CSMD1: variants seen among roughly 807,000 people sequenced by gnomAD.
CSMD1 encodes the protein CUB and Sushi multiple domains 1.
A neutral mutation model predicts 417.5 loss-of-function variants in CSMD1; 213 were observed. The ratio of observed to expected loss-of-function variants is 0.51; its 90% confidence interval spans 0.46 to 0.57. The LOEUF (loss-of-function observed/expected upper bound fraction) is 0.57. CSMD1 is among the 20% of genes least tolerant of loss of function. The pLI, the probability that CSMD1 is intolerant of heterozygous loss-of-function variation, is 0.00. For missense variants in CSMD1, 6,923 were observed against 4,529.7 expected (o/e 1.53, Z -15.17); for synonymous variants, 2,862 against 1,736.8 (o/e 1.65, Z -16.11).
intron 10 of CSMD1, among the ~76,000 whole-genome samples, chr8:3,545,256 C>A (rs922792): frequency 6.6e-6 from 1 of 151,900 alleles, no homozygotes; most frequent in African/African-American, 2.4e-5. Context: ...ATGAACTTTT[C>A]TGATTTAAAG....
chr8:4,158,432 C>A (rs956567188), intron 3 of CSMD1, among the ~76,000 whole-genome samples: 15 of 150,640 alleles, frequency 1.0e-4, no homozygotes, highest in South Asian at 2.1e-4. Context: ...AACAAACAAA[C>A]AAAAAAAAAT....
chr8:4,905,747 GA>G (rs1295913800), intron 1 of CSMD1, among the ~76,000 whole-genome samples: 2 of 148,404 alleles, frequency 1.3e-5, no homozygotes, highest in Admixed American at 1.4e-4. Flanking sequence ...GTGAAACCGG[GA>G]GGCGGAGCTT....
chr8:4,236,686 C>A (rs146314152), intron 3 of CSMD1, among the ~76,000 whole-genome samples: 1 of 152,274 alleles, frequency 6.6e-6, no homozygotes, highest in Non-Finnish European at 1.5e-5. Context: ...ACTCTTCAAG[C>A]TTTGGTCCCT....
chr8:4,556,397 G>C (rs1421916611), intron 2 of CSMD1, among the ~76,000 whole-genome samples: 2 of 152,054 alleles, frequency 1.3e-5, no homozygotes. Flanking sequence ...AGCATTGTAA[G>C]CTGGCAAGAC....
intron 3 of CSMD1, among the ~76,000 whole-genome samples, chr8:4,142,985 CTGAT>C (rs1803881113): frequency 7.7e-6 from 1 of 130,686 alleles, no homozygotes; most frequent in South Asian, 2.6e-4. Flanking sequence ...AGTTTTCAAA[CTGAT>C]TGAAAAAAAA....
intron 3 of CSMD1, among the ~76,000 whole-genome samples, chr8:4,202,697 C>T (rs889022355): frequency 6.6e-6 from 1 of 152,104 alleles, no homozygotes; most frequent in African/African-American, 2.4e-5. Flanking sequence ...AGAGGGAGAA[C>T]CACACTAATC....
chr8:4,839,834 T>C (rs1800731518), intron 1 of CSMD1, among the ~76,000 whole-genome samples: 1 of 152,200 alleles, frequency 6.6e-6, no homozygotes, highest in Admixed American at 6.5e-5. Context: ...CTTAGTAAAG[T>C]TGATGTTTGC....
At chr8:4,455,394 A>T (rs1322905569) in intron 2 of CSMD1, among the ~76,000 whole-genome samples, 1 of 152,182 alleles carries the variant, frequency 6.6e-6, no homozygotes, top group Admixed American at 6.5e-5. Flanking sequence ...AGTACATTTT[A>T]TACACAGCTG....
chr8:4,583,437 T>C (rs930328741), intron 2 of CSMD1, among the ~76,000 whole-genome samples: 1 of 152,170 alleles, frequency 6.6e-6, no homozygotes, highest in African/African-American at 2.4e-5. Context: ...AGTGCACCAA[T>C]CGACACTCTG....
intron 57 of CSMD1, among the ~76,000 whole-genome samples, chr8:2,970,911 C>G (rs929241381): frequency 2.0e-5 from 3 of 152,152 alleles, no homozygotes; most frequent in Admixed American, 2.0e-4. Context: ...ACAAACTTCA[C>G]AAAAAGATTA....
chr8:4,762,236 C>T (rs1048363306), intron 1 of CSMD1, among the ~76,000 whole-genome samples: 7 of 151,968 alleles, frequency 4.6e-5, no homozygotes, highest in Non-Finnish European at 8.8e-5. Context: ...CCTGCTTGCG[C>T]TATTTTAAAA....
intron 1 of CSMD1, among the ~76,000 whole-genome samples, chr8:4,715,176 T>A (rs1808575028): frequency 6.6e-6 from 1 of 152,200 alleles, no homozygotes. Context: ...TATTCTATTA[T>A]TTCGCAGAAA....
intron 1 of CSMD1, among the ~76,000 whole-genome samples, chr8:4,961,278 C>T (rs1232519073): frequency 4.6e-5 from 7 of 152,116 alleles, no homozygotes; most frequent in Non-Finnish European, 1.0e-4. Flanking sequence ...TCCCATCAAA[C>T]GCATCCAAAA....
chr8:3,932,507 G>T (rs576851858), intron 5 of CSMD1, among the ~76,000 whole-genome samples: 1 of 150,442 alleles, frequency 6.6e-6, no homozygotes, highest in East Asian at 2.0e-4. Flanking sequence ...AGGGAAAGCA[G>T]CAGATGTTAG....
Position 4,081,880 on chromosome 8 carries a change from G to T in CSMD1, c.416-49781C>A, listed in dbSNP as rs73190335. Among the ~76,000 whole-genome samples, 1,332 of 152,286 alleles carry T rather than the reference G, an allele frequency of 8.7e-3. 14 individuals carry two copies. The highest frequency in any genetic ancestry group is 0.042 in the South Asian group (202 of 4,822). The stretch of plus-strand genomic sequence containing the variant: ...AGAAAAATAAGACATATCAAAATGT[G>T]TTGGATTTAGTTACAGTAGTGCTCA... On this transcript the variant is annotated intron_variant, in intron 3 of 69. Transcript: ENST00000635120.
At chr8:4,043,220 A>C (rs1003921766) in intron 3 of CSMD1, among the ~76,000 whole-genome samples, 1 of 152,242 alleles carries the variant, frequency 6.6e-6, no homozygotes, top group African/African-American at 2.4e-5. Context: ...GTCACCACTA[A>C]AATAGCAAAG....
intron 3 of CSMD1, among the ~76,000 whole-genome samples, chr8:4,307,314 C>G (rs921972106): frequency 2.6e-5 from 4 of 152,138 alleles, no homozygotes; most frequent in Non-Finnish European, 5.9e-5. Context: ...GCACAGGCAT[C>G]ACACATGTCC....
chr8:3,642,914 C>T (rs2117326617), intron 7 of CSMD1, among the ~76,000 whole-genome samples: 1 of 151,516 alleles, frequency 6.6e-6, no homozygotes, highest in African/African-American at 2.4e-5. Context: ...TATAATGTAA[C>T]TTTCTGAAGA....
chr8:3,532,016 G>T (rs142477638), intron 10 of CSMD1, among the ~76,000 whole-genome samples: 20 of 152,266 alleles, frequency 1.3e-4, no homozygotes, highest in Admixed American at 3.3e-4. Context: ...TGGCACACCT[G>T]GTCCTAAACA....
Sources: allele counts gnomAD v4.1 joint callset (sites outside exome capture counted in the v4.1 genomes callset), GRCh38; gene constraint gnomAD v4.1.1; transcripts MANE v1.5; gene names NCBI Gene and HGNC (gene_info 2026-07-23, HGNC 2026-07-21).